MINDY3: variants seen among roughly 807,000 people sequenced by gnomAD.
MINDY3 encodes the protein MINDY lysine 48 deubiquitinase 3, also known as ubiquitin carboxyl-terminal hydrolase MINDY-3.
A neutral mutation model predicts 69.2 loss-of-function variants in MINDY3; 38 were observed. That is an observed-to-expected ratio of 0.55 (90% CI 0.42 to 0.72). MINDY3 has a LOEUF of 0.72. Among genes scored for constraint, MINDY3 ranks in the 30% least tolerant of loss-of-function variants. MINDY3 has a pLI of 0.00. For synonymous variants in MINDY3, 192 were observed against 180.1 expected (o/e 1.07, Z -0.53); for missense variants, 522 against 519.0 (o/e 1.01, Z -0.06).
chr10:15,810,861 C>T (rs1289006528), intron 10 of MINDY3, among the ~76,000 whole-genome samples: 1 of 152,024 alleles, frequency 6.6e-6, no homozygotes, highest in Non-Finnish European at 1.5e-5. Flanking sequence ...AAAAGACAAA[C>T]AACCCAATTA....
At chr10:15,837,644 G>C in intron 5 of MINDY3, 1 of 1,223,844 alleles carries the variant, frequency 8.2e-7, no homozygotes, top group Non-Finnish European at 1.0e-6. Flanking sequence ...CTTGTAAGAG[G>C]GGGTAAACAC....
intron 10 of MINDY3, among the ~76,000 whole-genome samples, chr10:15,797,886 A>G (rs1477045435): frequency 6.6e-6 from 1 of 152,136 alleles, no homozygotes; most frequent in Non-Finnish European, 1.5e-5. Context: ...TATAAGCTTT[A>G]GCTCCCTTAA....
At chr10:15,782,456 T>TA (rs1836620802) in intron 13 of MINDY3, 1 of 463,604 alleles carries the variant, frequency 2.2e-6, no homozygotes, top group South Asian at 3.8e-5. Context: ...ATTTCCATTA[T>TA]AAGCTCTTCA....
chr10:15,827,803 T>A (rs1386888994), intron 8 of MINDY3, among the ~76,000 whole-genome samples: 1 of 152,116 alleles, frequency 6.6e-6, no homozygotes, highest in Non-Finnish European at 1.5e-5. Flanking sequence ...CGTGAAGAGA[T>A]GATCAAGCTC....
chr10:15,825,993 A>G (rs997788944), intron 8 of MINDY3, among the ~76,000 whole-genome samples: 1 of 152,150 alleles, frequency 6.6e-6, no homozygotes, highest in Admixed American at 6.5e-5. Context: ...TAAATAAACA[A>G]TATGGACAAA....
intron 8 of MINDY3, among the ~76,000 whole-genome samples, chr10:15,827,218 A>T (rs1032452266): frequency 3.3e-5 from 5 of 150,224 alleles, no homozygotes; most frequent in African/African-American, 1.2e-4. Context: ...GAAGCCATCT[A>T]AAAAAAAGAC....
chr10:15,782,576 T>A (rs1836631866), intron 13 of MINDY3, among the ~76,000 whole-genome samples: 1 of 152,200 alleles, frequency 6.6e-6, no homozygotes, highest in Non-Finnish European at 1.5e-5. Context: ...ATGTAAATAA[T>A]TTGTTCCTCT....
chr10:15,816,284 A>AAAAAAAAAAAAAAAAAAAAAC (rs1839363560), intron 10 of MINDY3, among the ~76,000 whole-genome samples: 2 of 140,756 alleles, frequency 1.4e-5, no homozygotes, highest in African/African-American at 6.3e-5. Context: ...AAAAAAATGA[A>AAAAAAAAAAAAAAAAAAAAAC]AAAGAAAAAA....
intron 8 of MINDY3, among the ~76,000 whole-genome samples, chr10:15,824,615 T>G (rs564701982): frequency 6.6e-6 from 1 of 152,300 alleles, no homozygotes; most frequent in East Asian, 1.9e-4. Flanking sequence ...CTCCCTTTCC[T>G]TCTTAAATGT....
intron 9 of MINDY3, among the ~76,000 whole-genome samples, chr10:15,818,811 T>C (rs1472227634): frequency 6.6e-6 from 1 of 151,536 alleles, no homozygotes; most frequent in Non-Finnish European, 1.5e-5. Context: ...GAAACAAGAG[T>C]AGTGGTTTCC....
chr10:15,816,583 A>G (rs1281144105), intron 10 of MINDY3, among the ~76,000 whole-genome samples: 1 of 152,150 alleles, frequency 6.6e-6, no homozygotes, highest in Admixed American at 6.5e-5. Context: ...GATTTCTGAA[A>G]AAAATCAAAA....
chr10:15,833,591 A>T, intron 8 of MINDY3, 39 bp downstream of exon 8: 1 of 1,242,502 alleles, frequency 8.0e-7, no homozygotes, highest in Non-Finnish European at 1.2e-6. Context: ...ATGAAATATT[A>T]TTCATCAAAG....
rs1403291440 is a variant in MINDY3 at position 15,848,656 on chromosome 10, AAAAAAAGAAAG to A, written c.95-724_95-714del. On this transcript the variant is annotated intron_variant, in intron 1 of 14. Coordinates refer to ENST00000277632, the MANE Select transcript of MINDY3 (RefSeq NM_024948.4). Reference sequence around the variant, plus strand: ...CTCAAAAAAAAAAAAAAAAAAAAAAAAAAAAAGAAAGAAAAATTAAATGGCATTGTAGACAG... The same window carrying A: ...CTCAAAAAAAAAAAAAAAAAAAAAAAAAAAATTAAATGGCATTGTAGACAG... Among the ~76,000 whole-genome samples, 301 of 126,706 alleles carry A rather than the reference AAAAAAAGAAAG, an allele frequency of 2.4e-3. 13 individuals are homozygous for A. The highest frequency in any genetic ancestry group is 7.3e-3 in the African/African-American group (267 of 36,558). 83.1% of individuals were successfully genotyped at this position (126,706 alleles called of 152,430 possible). A position where few individuals can be genotyped will look rare whatever the true frequency, so the allele number is the denominator to read the frequency against.
At chr10:15,841,228 T>C (rs1833444815) in intron 4 of MINDY3, among the ~76,000 whole-genome samples, 198 bp downstream of exon 4, 1 of 151,486 alleles carries the variant, frequency 6.6e-6, no homozygotes, top group Admixed American at 6.6e-5. Context: ...CATTTTTTTT[T>C]GCAAAAATGT....
chr10:15,823,286 G>A (rs540740943), intron 8 of MINDY3, among the ~76,000 whole-genome samples: 46 of 152,214 alleles, frequency 3.0e-4, no homozygotes, highest in Admixed American at 2.3e-3. Flanking sequence ...ATTCCTCAGG[G>A]ACCACAAGAC....
intron 10 of MINDY3, among the ~76,000 whole-genome samples, chr10:15,811,987 GT>G (rs1839034074): frequency 6.6e-6 from 1 of 151,798 alleles, no homozygotes; most frequent in Admixed American, 6.6e-5. Context: ...CTTCACCCAG[GT>G]TGGAGTGAAG....
At chr10:15,804,764 C>G (rs1245532953) in intron 10 of MINDY3, among the ~76,000 whole-genome samples, 8 of 152,096 alleles carry the variant, frequency 5.3e-5, no homozygotes, top group African/African-American at 1.7e-4. Context: ...GATTTTAAGT[C>G]AATTACATCA....
chr10:15,815,991 C>T (rs1338569176), intron 10 of MINDY3, among the ~76,000 whole-genome samples: 1 of 151,916 alleles, frequency 6.6e-6, no homozygotes, highest in Admixed American at 6.6e-5. Context: ...TATGGCGGGG[C>T]ACAGTGGCTC....
intron 11 of MINDY3, among the ~76,000 whole-genome samples, chr10:15,792,107 TA>T (rs113589609): frequency 0.018 from 2,682 of 149,396 alleles, 72 homozygotes; most frequent in African/African-American, 0.058. Context: ...TCTTGGGAAT[TA>T]AAAAAAAAAT....
Sources: allele counts gnomAD v4.1 joint callset (sites outside exome capture counted in the v4.1 genomes callset), GRCh38; gene constraint gnomAD v4.1.1; transcripts MANE v1.5; gene names NCBI Gene and HGNC (gene_info 2026-07-23, HGNC 2026-07-21).